FDPS: variants seen among roughly 807,000 people sequenced by gnomAD.
FDPS encodes farnesyl pyrophosphate synthase.
Under a neutral mutation model 49.5 loss-of-function variants are expected in FDPS, and 29 were observed. The observed-to-expected ratio is 0.59, with a 90% CI of 0.44 to 0.80. FDPS has a LOEUF of 0.80. FDPS is among the 30% of genes least tolerant of loss of function. FDPS has a pLI of 0.00. For missense variants in FDPS, 414 were observed against 525.6 expected, an observed-to-expected ratio of 0.79 and a Z score of 2.08; for synonymous variants, 172 against 206.4, an observed-to-expected ratio of 0.83 and a Z score of 1.43.
chr1:155,312,646 G>A (rs1431720200), intron 4 of FDPS: 2 of 430,610 alleles, frequency 4.6e-6, no homozygotes, highest in Non-Finnish European at 8.6e-6. Flanking sequence ...ACTGGGCAGA[G>A]AGGTGTCAGC....
At chr1:155,317,875 C>A in intron 4 of FDPS, 66 bp from the exon 5 acceptor site, 1 of 1,400,414 alleles carries the variant, frequency 7.1e-7, no homozygotes, top group Middle Eastern at 2.5e-4. Context: ...TATAAAGTAG[C>A]AGCTCTGTTG....
chr1:155,318,239 T>C lies in FDPS; in HGVS notation c.632T>C (p.Leu211Pro), dbSNP rs773029851. ...LEACIYRLLK[L>P]YCREQPYYLN... Reference sequence around the variant, plus strand: ...GCATGTATCTACCGCCTGCTGAAGCTCTATTGCCGGGAGCAGCCCTATTAC... The same window carrying C: ...GCATGTATCTACCGCCTGCTGAAGCCCTATTGCCGGGAGCAGCCCTATTAC... The change falls in exon 6 of 11, where the codon CTC becomes CCC. Residue 211 changes from leucine to proline, a missense_variant. Leu to Pro is a moderately conservative substitution (Grantham distance 98). Transcript: ENST00000368356. This position sits in a 1 kb window ranked among gnomAD's most constrained non-coding sequence, Gnocchi z 4.2. 6.2e-7 allele frequency: 1 copy of C among 1,613,914 alleles called. No individual in the cohort carries two copies. The highest frequency in any genetic ancestry group is 1.1e-5 in the South Asian group (1 of 91,086).
At chr1:155,312,222 C>T (rs778927797) in intron 3 of FDPS, 33 bp from the exon 4 acceptor site, 1 of 1,612,000 alleles carries the variant, frequency 6.2e-7, no homozygotes, top group African/African-American at 1.3e-5. Flanking sequence ...TGTATGGACC[C>T]TGATACCCTG....
intron 3 of FDPS, among the ~76,000 whole-genome samples, chr1:155,311,243 G>T (rs1648770753): frequency 1.3e-5 from 2 of 152,202 alleles, no homozygotes; most frequent in Admixed American, 1.3e-4. Flanking sequence ...GGAGGCTGAG[G>T]CAGGAGAATC....
chr1:155,312,310 T>G lies in FDPS; in HGVS notation c.395T>G (p.Val132Gly). The change falls in exon 4 of 11, where the codon GTA (valine) becomes GGA (glycine). Residue 132 changes from valine (V) to glycine (G), a missense_variant. Physicochemically the swap from Val to Gly is moderately radical, Grantham distance 109. Transcript: ENST00000368356. ...GKYNRGLTVV[V>G]AFRELVEPRK... ...TATAACCGGGGTTTGACGGTGGTAG[T>G]AGCATTCCGGGAGCTGGTGGAGCCA... 1 of 1,614,074 alleles carries G rather than the reference T, an allele frequency of 6.2e-7. No individual in the cohort carries two copies. The highest frequency in any genetic ancestry group is 1.1e-5 in the South Asian group (1 of 91,064).
In FDPS at chr1:155,320,411, A is replaced by G. The variant is rs1192242836; in HGVS notation, c.1062A>G (p.Glu354=). 2 of 1,612,828 alleles carry G rather than the reference A, an allele frequency of 1.2e-6. No individual in the cohort carries two copies. The highest frequency in any genetic ancestry group is 1.7e-6 in the Non-Finnish European group (2 of 1,179,732). ...ATPEQYQILK[E]NYGQKEAEKV... Reference sequence around the variant, plus strand: ...TCCTGTCTTTCAACCTCTTCCAGGAAAATTACGGGCAGAAGGAGGCTGAGA... The same window carrying G: ...TCCTGTCTTTCAACCTCTTCCAGGAGAATTACGGGCAGAAGGAGGCTGAGA... The change falls in exon 11 of 11, where the codon GAA becomes GAG. Residue 354 remains glutamate, a splice_region_variant and synonymous_variant. Transcript: ENST00000368356.
In FDPS at chr1:155,319,904, T is replaced by A; in HGVS notation, c.1035T>A (p.Thr345=). The A allele has an allele frequency of 1.9e-6, 3 of 1,614,134 alleles. No individual in the cohort carries two copies. The highest frequency in any genetic ancestry group is 2.5e-6 in the Non-Finnish European group (3 of 1,180,002). Residue 345 remains threonine, a synonymous_variant, in exon 10 of 11, where the codon ACT becomes ACA. Coordinates refer to ENST00000368356, the MANE Select transcript of FDPS (RefSeq NM_002004.4). Reference sequence around the variant, plus strand: ...TGGTTCAGTGTCTGCAACGGGCCACTCCAGAACAGTACCAGATCCTGAAGG... The same window carrying A: ...TGGTTCAGTGTCTGCAACGGGCCACACCAGAACAGTACCAGATCCTGAAGG... ...WLVVQCLQRA[T]PEQYQILKEN... is the part of the protein sequence containing the mutation.
chr1:155,314,375 C>T (rs1649104055), intron 4 of FDPS, among the ~76,000 whole-genome samples: 1 of 150,578 alleles, frequency 6.6e-6, no homozygotes, highest in East Asian at 2.0e-4. Flanking sequence ...GACTAGGTTT[C>T]ACCATGTTGC....
At chr1:155,311,845 C>T (rs1249567269) in intron 3 of FDPS, among the ~76,000 whole-genome samples, 1 of 151,984 alleles carries the variant, frequency 6.6e-6, no homozygotes, top group Non-Finnish European at 1.5e-5. Flanking sequence ...TGGTGGTGGG[C>T]ACCTGTAATC....
chr1:155,319,305 G>A (rs1649941466), intron 8 of FDPS, among the ~76,000 whole-genome samples: 1 of 152,180 alleles, frequency 6.6e-6, no homozygotes, highest in South Asian at 2.1e-4. Flanking sequence ...AAAGAAGTTG[G>A]AGGTGGCAAA....
intron 4 of FDPS, among the ~76,000 whole-genome samples, chr1:155,314,756 G>A (rs1356442034): frequency 6.6e-6 from 1 of 151,506 alleles, no homozygotes; most frequent in Non-Finnish European, 1.5e-5. Flanking sequence ...GATAACAGGT[G>A]TGAGCCACTG....
In FDPS at chr1:155,318,820, G is replaced by T. The variant is rs373979861; in HGVS notation, c.774-36G>T. 4.4e-6 allele frequency: 7 copies of T among 1,577,564 alleles called. No individual in the cohort carries two copies. Among genetic ancestry groups the T allele is most frequent in the Non-Finnish European group, 6.1e-6 (7 of 1,146,778 alleles). The stretch of plus-strand genomic sequence containing the variant: ...CGAGGGAGGGCTCAGGATGTGCATT[G>T]CCCTCCTGAGGAGTTTCTCTTCTCC... On this transcript the variant is annotated intron_variant, in intron 7 of 10. Coordinates refer to ENST00000368356, the MANE Select transcript of FDPS (RefSeq NM_002004.4). This position sits in a 1 kb window ranked among gnomAD's most constrained non-coding sequence, Gnocchi z 4.2.
At chr1:155,312,472 G>A (rs760944514) in intron 4 of FDPS, 77 bp downstream of exon 4, 1 of 1,466,228 alleles carries the variant, frequency 6.8e-7, no homozygotes, top group Non-Finnish European at 9.4e-7. Context: ...GGATGGGCCT[G>A]AAACTTATTT....
In FDPS at chr1:155,312,339, A is replaced by G; in HGVS notation, c.424A>G (p.Lys142Glu). 1 of 1,614,160 alleles carries G rather than the reference A, an allele frequency of 6.2e-7. No homozygotes were observed. Among genetic ancestry groups the G allele is most frequent in the Non-Finnish European group, 8.5e-7 (1 of 1,180,026 alleles). ...ATTCCGGGAGCTGGTGGAGCCAAGG[A>G]AACAGGATGCTGATAGTCTCCAGCG... The part of the protein sequence containing the change: ...VAFRELVEPR[K>E]QDADSLQRAW... Residue 142 changes from lysine to glutamate, a missense_variant, in exon 4 of 11, where the codon AAA becomes GAA. Lys to Glu is a moderately conservative substitution (Grantham distance 56). Coordinates refer to ENST00000368356, the MANE Select transcript of FDPS (RefSeq NM_002004.4).
rs772516967 is a variant in FDPS at position 155,318,011 on chromosome 1, G to T, written c.551G>T (p.Trp184Leu). Residue 184 changes from tryptophan to leucine, a missense_variant, in exon 5 of 11, where the codon TGG (tryptophan) becomes TTG (leucine). Coordinates refer to ENST00000368356, the MANE Select transcript of FDPS (RefSeq NM_002004.4). This position sits in a 1 kb window ranked among gnomAD's most constrained non-coding sequence, Gnocchi z 4.2. The stretch of plus-strand genomic sequence containing the variant: ...CTTACCCGCCGGGGACAGATCTGCT[G>T]GTATCAGAAGGTAATGTGGGCAGGA... Reference protein sequence around the residue: ...SSLTRRGQICWYQKPGVGLDA... With the variant: ...SSLTRRGQICLYQKPGVGLDA... 6.2e-7 allele frequency: 1 copy of T among 1,613,978 alleles called. No individual in the cohort carries two copies. The highest frequency in any genetic ancestry group is 8.5e-7 in the Non-Finnish European group (1 of 1,180,010).
rs773233476 is a variant in FDPS at position 155,318,854 on chromosome 1, A to C, written c.774-2A>C. The C allele has an allele frequency of 6.2e-7, 1 of 1,611,824 alleles. No homozygotes were observed. On this transcript the variant is annotated splice_acceptor_variant, in intron 7 of 10. Transcript: ENST00000368356. LOFTEE classifies it high-confidence loss of function. The surrounding 1 kb of genome is among the most constrained non-coding windows in gnomAD (Gnocchi z 4.2). ...AGGAGTTTCTCTTCTCCCCTTACTC[A>C]GGTACAAATCTATTGTCAAGTACAA...
At position 155,313,136 on chromosome 1, in the gene FDPS, T is replaced by C. The variant is rs562592438; in HGVS notation, c.480+741T>C. Reference sequence around the variant, plus strand: ...GATTTCACACTAAAACCTAGATTTCTAGCATGGCTTGGGAAATTGTAAGAT... The same window carrying C: ...GATTTCACACTAAAACCTAGATTTCCAGCATGGCTTGGGAAATTGTAAGAT... On this transcript the variant is annotated intron_variant, in intron 4 of 10. Coordinates refer to ENST00000368356, the MANE Select transcript of FDPS (RefSeq NM_002004.4). Among the ~76,000 whole-genome samples, 4 of 152,346 alleles carry C rather than the reference T, an allele frequency of 2.6e-5. No homozygotes were observed. The East Asian group carries it at 7.7e-4, about 29-fold the overall frequency.
intron 4 of FDPS, among the ~76,000 whole-genome samples, chr1:155,316,568 AG>A (rs1056399462): frequency 1.4e-4 from 22 of 152,218 alleles, no homozygotes; most frequent in African/African-American, 5.3e-4. Flanking sequence ...ACTTGAGGTC[AG>A]GAGTTCAAGA....
At position 155,318,132 on chromosome 1, in the gene FDPS, A is replaced by G. The variant is rs1201477322; in HGVS notation, c.562-37A>G. The G allele has an allele frequency of 6.2e-7, 1 of 1,613,344 alleles. No individual in the cohort carries two copies. Among genetic ancestry groups the G allele is most frequent in the Non-Finnish European group, 8.5e-7 (1 of 1,179,484 alleles). ...ATGGCTCTTAGTATGAACCGAGACT[A>G]GAGATTGATTGCTTGTTTTTCTGTC... On this transcript the variant is annotated intron_variant, in intron 5 of 10. Coordinates refer to ENST00000368356, the MANE Select transcript of FDPS (RefSeq NM_002004.4). This position sits in a 1 kb window ranked among gnomAD's most constrained non-coding sequence, Gnocchi z 4.2.
Sources: gnomAD v4.1 joint callset for allele counts (sites outside exome capture counted in the v4.1 genomes callset) on GRCh38, gnomAD v4.1.1 for gene constraint, Gnocchi (gnomAD v3.1) non-coding constraint, MANE v1.5 for transcripts, NCBI Gene and HGNC (gene_info 2026-07-23, HGNC 2026-07-21) for gene names.